The following ZNF638 variants were observed in gnomAD, a reference collection of about 807,000 sequenced individuals.
ZNF638 encodes the protein CTCL tumor antigen se33-1.
ZNF638 carries 46 observed loss-of-function variants against 195.6 expected under a neutral mutation model. The ratio of observed to expected loss-of-function variants is 0.24; its 90% CI spans 0.19 to 0.30. ZNF638 has a LOEUF of 0.30. Ranked by LOEUF, ZNF638 falls within the 10% of genes least tolerant of loss-of-function variation. The probability of loss-of-function intolerance (pLI) is 1.00; values close to 1 mark genes in which losing one functional copy is unlikely to be tolerated. For synonymous variants in ZNF638, 845 were observed against 772.0 expected, an observed-to-expected ratio of 1.09 and a Z score of -1.57; for missense variants, 2,440 against 2,325.3, an observed-to-expected ratio of 1.05 and a Z score of -1.01.
rs536170611 is a variant in ZNF638, at chr2:71,389,192, C to T, written c.2378-6949C>T. On this transcript the variant is annotated intron_variant, in intron 10 of 27. Coordinates refer to ENST00000264447, the MANE Select transcript of ZNF638 (RefSeq NM_014497.5). ...AGGAAACAGAGGTTTTCCCTGAGCCCCCTCCCCCAATAAATTGGAAAAAAG... is the reference window on the plus strand; with the variant it reads ...AGGAAACAGAGGTTTTCCCTGAGCCTCCTCCCCCAATAAATTGGAAAAAAG... Among the ~76,000 whole-genome samples the T allele has an allele frequency of 2.8e-4, 42 of 152,170 alleles. 1 individual carries two copies. Among genetic ancestry groups the T allele is most frequent in the African/African-American group, 9.9e-4 (41 of 41,512 alleles).
At chr2:71,405,559 A>G (rs2080089978) in intron 17 of ZNF638, 42 bp from the exon 18 acceptor site, 2 of 1,274,206 alleles carry the variant, frequency 1.6e-6, no homozygotes, top group African/African-American at 1.5e-5. Context: ...TTGTATGAGA[A>G]AGAGCTTATA....
chr2:71,334,154 TATTAGA>T (rs1487502892), intron 1 of ZNF638, among the ~76,000 whole-genome samples: 3 of 152,218 alleles, frequency 2.0e-5, no homozygotes, highest in African/African-American at 4.8e-5. Context: ...GCCTGGTATG[TATTAGA>T]TGCTCAGATG....
intron 10 of ZNF638, chr2:71,393,547 G>A (rs2079831537): frequency 1.4e-6 from 1 of 717,970 alleles, no homozygotes; most frequent in Non-Finnish European, 2.6e-6. Context: ...CATTACCTGG[G>A]GGATGCTGAA....
chr2:71,336,372 C>CAAAAAAAAAAAAAAAAAAAAAAAAAACAA (rs2078668585), intron 1 of ZNF638, among the ~76,000 whole-genome samples: 1 of 105,558 alleles, frequency 9.5e-6, no homozygotes, highest in East Asian at 4.1e-4. Flanking sequence ...ATTCCATCTC[C>CAAAAAAAAAAAAAAAAAAAAAAAAAACAA]AAAAAAAAAA....
intron 3 of ZNF638, among the ~76,000 whole-genome samples, chr2:71,357,427 A>G (rs1419001221): frequency 6.6e-6 from 1 of 152,216 alleles, no homozygotes; most frequent in Non-Finnish European, 1.5e-5. Context: ...TACCTGAATT[A>G]GATACGCCTT....
intron 1 of ZNF638, among the ~76,000 whole-genome samples, chr2:71,336,639 G>T (rs1035735315): frequency 8.5e-5 from 13 of 152,224 alleles, no homozygotes; most frequent in Non-Finnish European, 1.9e-4. Flanking sequence ...ATTCCCAATG[G>T]GTACTGTTGT....
intron 5 of ZNF638, among the ~76,000 whole-genome samples, chr2:71,364,825 C>T (rs1454456824): frequency 6.6e-6 from 1 of 152,004 alleles, no homozygotes; most frequent in East Asian, 1.9e-4. Flanking sequence ...AAAGTATGGC[C>T]CAAGGATCGA....
At chr2:71,409,906 A>G (rs2080178100) in intron 20 of ZNF638, among the ~76,000 whole-genome samples, 1 of 152,068 alleles carries the variant, frequency 6.6e-6, no homozygotes, top group African/African-American at 2.4e-5. Flanking sequence ...TTGCTAGAGT[A>G]CATTCTCAAG....
intron 20 of ZNF638, chr2:71,418,359 CATT>C: frequency 3.2e-6 from 1 of 310,968 alleles, no homozygotes; most frequent in Non-Finnish European, 5.8e-6. Flanking sequence ...TTATTTATAT[CATT>C]ATTAAGGAAA....
intron 10 of ZNF638, among the ~76,000 whole-genome samples, chr2:71,382,807 A>G (rs765979978): frequency 2.6e-4 from 39 of 152,196 alleles, no homozygotes; most frequent in Admixed American, 4.6e-4. Flanking sequence ...ACCAGGGTAA[A>G]GGTGATGCAG....
intron 4 of ZNF638, 60 bp downstream of exon 4, chr2:71,363,251 A>T: frequency 8.0e-7 from 1 of 1,250,612 alleles, no homozygotes; most frequent in Non-Finnish European, 1.1e-6. Context: ...GTAAACAGTT[A>T]ATTTTAAGAA....
At chr2:71,334,933 C>CA (rs1015139310) in intron 1 of ZNF638, among the ~76,000 whole-genome samples, 46 of 149,022 alleles carry the variant, frequency 3.1e-4, no homozygotes, top group African/African-American at 9.9e-4. Context: ...AAAAAAAAAA[C>CA]AAAAAAAACT....
chr2:71,416,940 G>C (rs1404095170), intron 20 of ZNF638, among the ~76,000 whole-genome samples: 1 of 151,460 alleles, frequency 6.6e-6, no homozygotes, highest in Non-Finnish European at 1.5e-5. Context: ...GTTTGTCTGT[G>C]CCCTGCCCCC....
chr2:71,364,755 A>G (rs905462406), intron 5 of ZNF638, among the ~76,000 whole-genome samples: 1 of 152,230 alleles, frequency 6.6e-6, no homozygotes, highest in African/African-American at 2.4e-5. Context: ...TGTGTCTAGT[A>G]TAGTCTAAAA....
At chr2:71,399,491 A>G (rs555509021) in intron 12 of ZNF638, 68 bp from the exon 13 acceptor site, 12 of 1,077,716 alleles carry the variant, frequency 1.1e-5, no homozygotes, top group African/African-American at 9.8e-5. Context: ...TTACTAATAC[A>G]TTAGTGTGAA....
intron 1 of ZNF638, chr2:71,334,377 G>A (rs1193444737): frequency 6.6e-6 from 1 of 152,214 alleles, no homozygotes; most frequent in Non-Finnish European, 1.5e-5. Flanking sequence ...AGGCGCTAAT[G>A]AATGCTGCCA....
intron 10 of ZNF638, among the ~76,000 whole-genome samples, chr2:71,383,560 G>GTTT (rs57987492): frequency 1.0e-3 from 124 of 122,078 alleles, no homozygotes; most frequent in African/African-American, 2.0e-3. Context: ...TTCCTGGGTG[G>GTTT]TTTTTTTTTT....
chr2:71,356,509 A>G (rs1427676077), intron 3 of ZNF638, among the ~76,000 whole-genome samples: 1 of 152,186 alleles, frequency 6.6e-6, no homozygotes, highest in Non-Finnish European at 1.5e-5. Flanking sequence ...TTAAAGTTGC[A>G]GATTAGTTGC....
chr2:71,376,376 T>A (rs1318151864), intron 8 of ZNF638: 1 of 150,142 alleles, frequency 6.7e-6, no homozygotes, highest in Non-Finnish European at 1.5e-5. Flanking sequence ...ATATTGGAAG[T>A]ATGTGGACAA....
Sources: gnomAD v4.1 joint callset for allele counts (sites outside exome capture counted in the v4.1 genomes callset) on GRCh38, gnomAD v4.1.1 for gene constraint, MANE v1.5 for transcripts, NCBI Gene and HGNC (gene_info 2026-07-23, HGNC 2026-07-21) for gene names.